Variants in MANBA observed in about 807,000 individuals in gnomAD.
The protein encoded by MANBA is beta-mannosidase.
In MANBA, 83 loss-of-function variants were observed where a neutral mutation model predicts 111.1. The ratio of observed to expected loss-of-function variants is 0.75; its 90% CI spans 0.63 to 0.90. The LOEUF (loss-of-function observed/expected upper bound fraction) is 0.90, where lower values mean the gene tolerates loss of function less well. MANBA is among the 40% of genes least tolerant of loss of function. The probability of loss-of-function intolerance (pLI) is 0.00; values close to 1 mark genes in which losing one functional copy is unlikely to be tolerated. For missense variants in MANBA, 1,036 were observed against 1,069.0 expected (o/e 0.97, Z 0.43); for synonymous variants, 370 against 378.7 (o/e 0.98, Z 0.27).
intron 7 of MANBA, among the ~76,000 whole-genome samples, chr4:102,682,021 C>A (rs1732005917): frequency 2.0e-5 from 3 of 151,788 alleles, no homozygotes; most frequent in African/African-American, 4.8e-5. Context: ...GTGGTGCGTG[C>A]CTGCAATCCC....
At chr4:102,680,896 C>T (rs1731948382) in intron 7 of MANBA, among the ~76,000 whole-genome samples, 1 of 152,232 alleles carries the variant, frequency 6.6e-6, no homozygotes, top group Non-Finnish European at 1.5e-5. Context: ...CATTTGATCT[C>T]TGTTTCCAGA....
intron 1 of MANBA, among the ~76,000 whole-genome samples, chr4:102,743,394 G>A (rs1342275322): frequency 6.6e-6 from 1 of 152,178 alleles, no homozygotes; most frequent in Non-Finnish European, 1.5e-5. Context: ...TCCCTTCACT[G>A]CTATCCTTCA....
chr4:102,754,180 T>A (rs1199747228), intron 1 of MANBA, among the ~76,000 whole-genome samples: 1 of 152,166 alleles, frequency 6.6e-6, no homozygotes, highest in Admixed American at 6.5e-5. Flanking sequence ...ATCTAGCACC[T>A]AAGATAAGCA....
intron 8 of MANBA, chr4:102,671,757 C>G (rs1055630277): frequency 4.7e-6 from 2 of 427,818 alleles, no homozygotes; most frequent in Non-Finnish European, 8.1e-6. Context: ...AAAATCAAGA[C>G]TTGAGTATTA....
intron 7 of MANBA, among the ~76,000 whole-genome samples, chr4:102,680,275 T>C (rs1258050003): frequency 1.3e-5 from 2 of 152,226 alleles, no homozygotes; most frequent in Non-Finnish European, 2.9e-5. Flanking sequence ...TCACTGTACA[T>C]TGTTCAAGAT....
At chr4:102,738,559 T>A (rs759296721) in intron 1 of MANBA, among the ~76,000 whole-genome samples, 1 of 152,182 alleles carries the variant, frequency 6.6e-6, no homozygotes, top group Non-Finnish European at 1.5e-5. Context: ...GGGGAGAGCA[T>A]CTCATCAAGG....
At chr4:102,693,205 G>A (rs141052354) in intron 5 of MANBA, among the ~76,000 whole-genome samples, 10 of 152,252 alleles carry the variant, frequency 6.6e-5, no homozygotes, top group African/African-American at 1.7e-4. Flanking sequence ...TAGTCTGCTC[G>A]CTCACCAGTG....
intron 1 of MANBA, among the ~76,000 whole-genome samples, chr4:102,741,070 A>G (rs1723385027): frequency 6.6e-6 from 1 of 152,250 alleles, no homozygotes; most frequent in African/African-American, 2.4e-5. Flanking sequence ...ACTAATATCC[A>G]GAATCTACAA....
chr4:102,721,960 G>T (rs7686632), intron 4 of MANBA, among the ~76,000 whole-genome samples: 8,503 of 150,210 alleles, frequency 0.057, 715 homozygotes, highest in African/African-American at 0.18. Flanking sequence ...AGCCCAGAAG[G>T]TGGAGGCTGC....
At chr4:102,691,333 A>T (rs944158697) in intron 5 of MANBA, among the ~76,000 whole-genome samples, 1 of 152,074 alleles carries the variant, frequency 6.6e-6, no homozygotes, top group Non-Finnish European at 1.5e-5. Context: ...TGGGAATTAA[A>T]TGGTGACCAG....
intron 13 of MANBA, among the ~76,000 whole-genome samples, chr4:102,641,871 A>G (rs1729892515): frequency 6.6e-6 from 1 of 151,622 alleles, no homozygotes; most frequent in Non-Finnish European, 1.5e-5. Flanking sequence ...ACTAGCAATG[A>G]AAAGAAAAGA....
At chr4:102,678,603 G>C (rs991312592) in intron 7 of MANBA, among the ~76,000 whole-genome samples, 1 of 151,874 alleles carries the variant, frequency 6.6e-6, no homozygotes, top group Non-Finnish European at 1.5e-5. Flanking sequence ...TGTAAGTCGG[G>C]CAGTTAGAAA....
chr4:102,661,250 AGATT>A (rs1730939698), intron 11 of MANBA, among the ~76,000 whole-genome samples: 1 of 152,190 alleles, frequency 6.6e-6, no homozygotes. Context: ...AAGCCTTTTT[AGATT>A]CTTTCAGTTA....
chr4:102,656,068 T>C (rs1269597282), intron 12 of MANBA, among the ~76,000 whole-genome samples: 1 of 151,872 alleles, frequency 6.6e-6, no homozygotes, highest in Non-Finnish European at 1.5e-5. Flanking sequence ...GCCTGGATGA[T>C]TTGGTGAAAC....
In MANBA at chr4:102,657,852, C is replaced by T. The variant is rs1730640591; in HGVS notation, c.1534G>A (p.Glu512Lys). The change falls in exon 12 of 17, where the codon GAA becomes AAA. Residue 512 changes from glutamate (E) to lysine (K), a missense_variant. Glu to Lys is a moderately conservative substitution (Grantham distance 56). Coordinates refer to ENST00000647097, the MANE Select transcript of MANBA (RefSeq NM_005908.4). ...FITSSPTNGA[E>K]TVAEAWVSQN... ...GAGACCCAGGCTTCTGCAACAGTTTCAGCCCCATTTGTAGGACTGGACGTA... is the reference window on the plus strand; with the variant it reads ...GAGACCCAGGCTTCTGCAACAGTTTTAGCCCCATTTGTAGGACTGGACGTA... The T allele has an allele frequency of 6.2e-7, 1 of 1,613,964 alleles. No homozygotes were observed. The highest frequency in any genetic ancestry group is 2.2e-5 in the East Asian group (1 of 44,874).
At chr4:102,689,521 AT>A (rs2110242522) in intron 7 of MANBA, 52 bp downstream of exon 7, 1 of 1,198,186 alleles carries the variant, frequency 8.3e-7, no homozygotes, top group East Asian at 2.6e-5. Flanking sequence ...CTGTATTACT[AT>A]TTTTAAAAGA....
chr4:102,760,215 T>G (rs568964761), intron 1 of MANBA, among the ~76,000 whole-genome samples: 2 of 152,346 alleles, frequency 1.3e-5, no homozygotes, highest in South Asian at 4.1e-4. Flanking sequence ...TTTACTCTTG[T>G]AGGTCATTCT....
chr4:102,723,173 G>GC, intron 3 of MANBA, 132 bp from the exon 4 acceptor site: 1 of 797,684 alleles, frequency 1.3e-6, no homozygotes, highest in Non-Finnish European at 2.1e-6. Flanking sequence ...CTTGCAGGAG[G>GC]GAACACTTCT....
chr4:102,639,805 C>A lies in MANBA; in HGVS notation c.1922G>T (p.Arg641Leu), dbSNP rs569997475. The A allele has an allele frequency of 6.2e-7, 1 of 1,614,060 alleles. No homozygotes were observed. Among genetic ancestry groups the A allele is most frequent in the Non-Finnish European group, 8.5e-7 (1 of 1,179,984 alleles). Residue 641 changes from arginine (R) to leucine (L), a missense_variant, in exon 14 of 17, where the codon CGC (arginine) becomes CTC (leucine). Arg to Leu is a moderately radical substitution (Grantham distance 102). Coordinates refer to ENST00000647097, the MANE Select transcript of MANBA (RefSeq NM_005908.4). ...CCCTTGCTGATCCACTATCTCGCTGCGACTACGGCGGTAGAATTCAGTTTC... is the reference window on the plus strand; with the variant it reads ...CCCTTGCTGATCCACTATCTCGCTGAGACTACGGCGGTAGAATTCAGTTTC... ...KTETEFYRRS[R>L]SEIVDQQGHT...
Sources: allele counts gnomAD v4.1 joint callset (sites outside exome capture counted in the v4.1 genomes callset), GRCh38; gene constraint gnomAD v4.1.1; transcripts MANE v1.5; gene names NCBI Gene and HGNC (gene_info 2026-07-23, HGNC 2026-07-21).